UST: variants seen among roughly 807,000 people sequenced by gnomAD.
The protein encoded by UST is uronyl 2-sulfotransferase, also known as chondroitin sulfate 2-O-sulfotransferase.
In UST, 21 loss-of-function variants were observed where a neutral mutation model predicts 45.6. The observed-to-expected ratio is 0.46, with a 90% CI of 0.33 to 0.66. The LOEUF is 0.66. UST is among the 30% of genes least tolerant of loss of function. UST has a pLI of 0.02. For missense variants in UST, 463 were observed against 512.4 expected, an observed-to-expected ratio of 0.90 and a Z score of 0.93; for synonymous variants, 215 against 200.6, an observed-to-expected ratio of 1.07 and a Z score of -0.61.
At chr6:149,042,971 CTT>C (rs1562337697) in intron 7 of UST, among the ~76,000 whole-genome samples, 10 of 106,040 alleles carry the variant, frequency 9.4e-5, no homozygotes, top group Non-Finnish European at 1.9e-5. Flanking sequence ...TTCTTTCTTT[CTT>C]TCTTTCTTTC....
intron 4 of UST, among the ~76,000 whole-genome samples, chr6:148,958,453 A>C (rs1202483485): frequency 6.6e-6 from 1 of 152,188 alleles, no homozygotes; most frequent in Non-Finnish European, 1.5e-5. Context: ...AAGCCAGGCA[A>C]ATGTTTTTCA....
At chr6:149,031,705 T>C (rs1776145808) in intron 7 of UST, among the ~76,000 whole-genome samples, 1 of 152,240 alleles carries the variant, frequency 6.6e-6, no homozygotes, top group Non-Finnish European at 1.5e-5. Flanking sequence ...AATATTTAAA[T>C]AGGTGTAATC....
chr6:148,864,269 G>A (rs547081370), intron 1 of UST, among the ~76,000 whole-genome samples: 137 of 152,246 alleles, frequency 9.0e-4, no homozygotes, highest in Non-Finnish European at 1.5e-3. Flanking sequence ...TGCTAGCAGC[G>A]AGTGAGGCTC....
At chr6:149,010,906 A>ACAAAC (rs1272083036) in intron 5 of UST, among the ~76,000 whole-genome samples, 20 of 147,078 alleles carry the variant, frequency 1.4e-4, no homozygotes, top group East Asian at 2.0e-4. Context: ...AAAAAAAAAA[A>ACAAAC]AAAAAAAAAA....
At chr6:148,856,005 A>G (rs923147752) in intron 1 of UST, among the ~76,000 whole-genome samples, 4 of 143,682 alleles carry the variant, frequency 2.8e-5, no homozygotes, top group South Asian at 2.2e-4. Flanking sequence ...GCTGAAAAAT[A>G]TGGGGTTTTG....
intron 1 of UST, among the ~76,000 whole-genome samples, chr6:148,843,910 G>A (rs1026683109): frequency 6.6e-6 from 1 of 152,128 alleles, no homozygotes; most frequent in Non-Finnish European, 1.5e-5. Flanking sequence ...AATACTTGCT[G>A]AATTAATTCA....
intron 1 of UST, among the ~76,000 whole-genome samples, chr6:148,749,473 T>C (rs1172144974): frequency 6.6e-6 from 1 of 152,072 alleles, no homozygotes; most frequent in Non-Finnish European, 1.5e-5. Flanking sequence ...GTGCTCATTG[T>C]CCTCAAAGCA....
intron 2 of UST, 121 bp from the exon 3 acceptor site, chr6:148,941,158 A>G (rs747590812): frequency 2.6e-6 from 3 of 1,142,442 alleles, no homozygotes; most frequent in Non-Finnish European, 3.8e-6. Flanking sequence ...TATTAATCTG[A>G]TTATAGGCCT....
At chr6:148,948,392 G>A (rs925992513) in intron 3 of UST, among the ~76,000 whole-genome samples, 1 of 152,204 alleles carries the variant, frequency 6.6e-6, no homozygotes, top group African/African-American at 2.4e-5. Context: ...TATTTGCCAA[G>A]AAGTCAGGAG....
At chr6:148,971,523 A>G (rs575126442) in intron 5 of UST, among the ~76,000 whole-genome samples, 9 of 152,280 alleles carry the variant, frequency 5.9e-5, no homozygotes, top group African/African-American at 2.2e-4. Flanking sequence ...CAGGCATTGA[A>G]TGGGGCAGTT....
At chr6:149,065,801 C>T (rs762184761) in intron 7 of UST, among the ~76,000 whole-genome samples, 58 of 152,208 alleles carry the variant, frequency 3.8e-4, no homozygotes, top group Non-Finnish European at 5.1e-4. Context: ...CACAAAATAG[C>T]ACTCCTGTTT....
At chr6:148,884,261 G>T (rs750680334) in intron 1 of UST, among the ~76,000 whole-genome samples, 1 of 152,074 alleles carries the variant, frequency 6.6e-6, no homozygotes, top group African/African-American at 2.4e-5. Context: ...GTGGTATTTC[G>T]TTCATTAAGT....
chr6:149,023,472 A>G (rs930671498), intron 7 of UST, among the ~76,000 whole-genome samples: 4 of 152,222 alleles, frequency 2.6e-5, no homozygotes, highest in African/African-American at 9.6e-5. Flanking sequence ...AGAGATCCCA[A>G]GCCAGGACCA....
chr6:148,976,926 G>A (rs1781027568), intron 5 of UST, among the ~76,000 whole-genome samples: 1 of 151,938 alleles, frequency 6.6e-6, no homozygotes, highest in South Asian at 2.1e-4. Context: ...ATACTCAGAA[G>A]GATCTTATTA....
chr6:148,951,915 A>C (rs1666075191), intron 3 of UST, among the ~76,000 whole-genome samples: 1 of 152,232 alleles, frequency 6.6e-6, no homozygotes, highest in Admixed American at 6.5e-5. Flanking sequence ...CTCAAAATCT[A>C]ACTACTACTA....
chr6:148,871,117 C>CCTTTCT (rs1554221898), intron 1 of UST, among the ~76,000 whole-genome samples: 2 of 97,586 alleles, frequency 2.0e-5, no homozygotes, highest in African/African-American at 9.2e-5. Flanking sequence ...GCATTCTCTC[C>CCTTTCT]CTCTCTCTCT....
intron 1 of UST, among the ~76,000 whole-genome samples, chr6:148,824,240 A>G (rs752569618): frequency 6.6e-5 from 10 of 152,192 alleles, no homozygotes; most frequent in Non-Finnish European, 1.0e-4. Context: ...TTAGGTGTTG[A>G]GGGTTGAATC....
intron 1 of UST, among the ~76,000 whole-genome samples, chr6:148,877,371 G>GT (rs1228759126): frequency 3.6e-5 from 3 of 84,066 alleles, no homozygotes; most frequent in South Asian, 1.2e-3. Flanking sequence ...TCGTGTATGA[G>GT]TGGGGGGGTC....
chr6:148,992,230 C>T (rs549444481), intron 5 of UST, among the ~76,000 whole-genome samples: 3 of 152,176 alleles, frequency 2.0e-5, no homozygotes, highest in South Asian at 2.1e-4. Context: ...CGAGGCCGAT[C>T]GCGGTGGCTC....
Sources: allele counts gnomAD v4.1 joint callset (sites outside exome capture counted in the v4.1 genomes callset), GRCh38; gene constraint gnomAD v4.1.1; transcripts MANE v1.5; gene names NCBI Gene and HGNC (gene_info 2026-07-23, HGNC 2026-07-21).